The following TXLNB variants were observed in gnomAD, a reference collection of about 807,000 sequenced individuals.
The protein encoded by TXLNB is beta-taxilin.
TXLNB carries 37 observed loss-of-function variants against 57.4 expected under a neutral mutation model. The ratio of observed to expected loss-of-function variants is 0.64; its 90% CI spans 0.50 to 0.85. The LOEUF (loss-of-function observed/expected upper bound fraction) is 0.85. Ranked by LOEUF, TXLNB falls within the 40% of genes least tolerant of loss-of-function variation. TXLNB has a pLI of 0.00. For missense variants in TXLNB, 848 were observed against 825.6 expected (o/e 1.03, Z -0.33); for synonymous variants, 302 against 309.6 (o/e 0.98, Z 0.26).
At chr6:139,190,460 C>T in the TXLNB span, among the ~76,000 whole-genome samples, 1 of 152,002 alleles carries the variant, frequency 6.6e-6, no homozygotes, top group African/African-American at 2.4e-5. Flanking sequence ...CAGGTGCCCA[C>T]CGCCATGCCC....
At chr6:139,222,133 T>C in the TXLNB span, among the ~76,000 whole-genome samples, 1 of 151,958 alleles carries the variant, frequency 6.6e-6, no homozygotes, top group African/African-American at 2.4e-5. Flanking sequence ...TGAATCAAAA[T>C]CTCTAATTAG....
intron 9 of TXLNB, among the ~76,000 whole-genome samples, 178 bp from the exon 10 acceptor site, chr6:139,243,492 CTTTTTTT>C (rs1161954954): frequency 3.1e-5 from 4 of 128,064 alleles, no homozygotes; most frequent in Admixed American, 7.9e-5. Flanking sequence ...CATCACTTTC[CTTTTTTT>C]TTTTTTTTTT....
At chr6:139,217,445 AT>A in the TXLNB span, among the ~76,000 whole-genome samples, 1 of 152,238 alleles carries the variant, frequency 6.6e-6, no homozygotes, top group South Asian at 2.1e-4. Context: ...TAATGTAAAT[AT>A]TTAATGCATA....
In TXLNB at chr6:139,242,150, A is replaced by C. The variant is rs1459074410; in HGVS notation, c.*376T>G. 1 of 161,234 alleles carries C rather than the reference A, an allele frequency of 6.2e-6. No individual in the cohort carries two copies. Among genetic ancestry groups the C allele is most frequent in the Non-Finnish European group, 1.3e-5 (1 of 74,478 alleles). The allele number at this position is 161,234 out of a possible 1,614,324, so 10.0% of individuals were successfully genotyped here. Reference sequence around the variant, plus strand: ...ATGGAACTTGTTAAACTATATATCCAAATAAGCAGAACATCACATTTTCAG... The same window carrying C: ...ATGGAACTTGTTAAACTATATATCCCAATAAGCAGAACATCACATTTTCAG... On this transcript the variant is annotated 3_prime_UTR_variant, in exon 10 of 10. Transcript: ENST00000358430.
intron 3 of TXLNB, among the ~76,000 whole-genome samples, chr6:139,274,307 T>G (rs1017264302): frequency 1.3e-5 from 2 of 152,246 alleles, no homozygotes; most frequent in Non-Finnish European, 2.9e-5. Flanking sequence ...TGATGATTTA[T>G]TCTATGTGAA....
the TXLNB span, among the ~76,000 whole-genome samples, chr6:139,194,639 T>C: frequency 5.3e-5 from 8 of 152,220 alleles, no homozygotes; most frequent in African/African-American, 1.9e-4. Context: ...TGTCTCTTGC[T>C]TACCATATTG....
At chr6:139,295,573 A>AT (rs201711818), upstream of TXLNB, among the ~76,000 whole-genome samples, 7 of 145,066 alleles carry the variant, frequency 4.8e-5, no homozygotes, top group South Asian at 2.2e-4. Flanking sequence ...TGTTGTAGAT[A>AT]TTTTTTGGGG....
the TXLNB span, among the ~76,000 whole-genome samples, chr6:139,302,240 A>G: frequency 6.6e-6 from 1 of 151,068 alleles, no homozygotes; most frequent in East Asian, 2.0e-4. Flanking sequence ...AGAGAAATTT[A>G]GTTTTGTGTT....
At chr6:139,316,608 G>C in the TXLNB span, among the ~76,000 whole-genome samples, 1 of 152,276 alleles carries the variant, frequency 6.6e-6, no homozygotes, top group South Asian at 2.1e-4. Context: ...CTTGAATAAA[G>C]TCTTCCTTAC....
rs141719794 is a variant in TXLNB at position 139,281,495 on chromosome 6, G to A, written c.425-4574C>T. On this transcript the variant is annotated intron_variant, in intron 2 of 9. Coordinates refer to ENST00000358430, the MANE Select transcript of TXLNB (RefSeq NM_153235.4). ...TTCAGTGGCCTTGTCATATTTGTAG[G>A]GGAACTTTGGCCTCTCACTCAGTAG... Among the ~76,000 whole-genome samples the A allele has an allele frequency of 1.1e-3, 156 of 140,692 alleles. 1 individual carries two copies. In the East Asian group the frequency reaches 0.03, roughly 27 times the overall value. The allele number at this position is 140,692 out of a possible 152,430, so 92.3% of individuals were successfully genotyped here.
the TXLNB span, among the ~76,000 whole-genome samples, chr6:139,233,291 T>C: frequency 6.7e-6 from 1 of 150,048 alleles, no homozygotes; most frequent in African/African-American, 2.4e-5. Context: ...TTTTCTCTAT[T>C]TTCTGAATGT....
the TXLNB span, among the ~76,000 whole-genome samples, chr6:139,209,136 T>C: frequency 4.6e-5 from 7 of 152,324 alleles, no homozygotes; most frequent in South Asian, 2.1e-4. Flanking sequence ...AATCCTACTA[T>C]ACACCAACAA....
chr6:139,258,854 T>C (rs1462736080), intron 6 of TXLNB, among the ~76,000 whole-genome samples: 1 of 152,216 alleles, frequency 6.6e-6, no homozygotes, highest in Non-Finnish European at 1.5e-5. Flanking sequence ...TCTTGCTCAG[T>C]CAGCAGTGTG....
At chr6:139,171,979 G>A in the TXLNB span, among the ~76,000 whole-genome samples, 2 of 151,982 alleles carry the variant, frequency 1.3e-5, no homozygotes, top group African/African-American at 4.8e-5. Context: ...TACAGGCGCC[G>A]CCACCACGCC....
the TXLNB span, chr6:139,180,083 G>A: frequency 6.6e-6 from 1 of 152,146 alleles, no homozygotes; most frequent in Non-Finnish European, 1.5e-5. Context: ...TTAAAAGATA[G>A]ACATGGTGCC....
the TXLNB span, among the ~76,000 whole-genome samples, chr6:139,191,790 G>A: frequency 6.6e-6 from 1 of 152,274 alleles, no homozygotes; most frequent in East Asian, 1.9e-4. Flanking sequence ...AGTTCATTCA[G>A]ACATCAACAG....
the TXLNB span, among the ~76,000 whole-genome samples, chr6:139,211,220 A>G: frequency 2.0e-5 from 3 of 152,164 alleles, no homozygotes; most frequent in Admixed American, 2.0e-4. Context: ...CCTAACTGGG[A>G]GGCACCCCCG....
intron 6 of TXLNB, among the ~76,000 whole-genome samples, chr6:139,257,924 T>G (rs966570122): frequency 6.6e-6 from 1 of 152,180 alleles, no homozygotes; most frequent in African/African-American, 2.4e-5. Context: ...TTGATTCTCA[T>G]AGAAGTGCAA....
chr6:139,194,873 T>C, the TXLNB span, among the ~76,000 whole-genome samples: 1 of 152,356 alleles, frequency 6.6e-6, no homozygotes, highest in East Asian at 1.9e-4. Context: ...CTCAGTGAGG[T>C]CTCCCTGCTA....
Sources: allele counts gnomAD v4.1 joint callset (sites outside exome capture counted in the v4.1 genomes callset), GRCh38; gene constraint gnomAD v4.1.1; transcripts MANE v1.5; gene names NCBI Gene and HGNC (gene_info 2026-07-23, HGNC 2026-07-21).